CAB39L: variants seen among roughly 807,000 people sequenced by gnomAD.
The protein encoded by CAB39L is calcium binding protein 39 like, also known as calcium-binding protein 39-like.
CAB39L carries 23 observed loss-of-function variants against 39.1 expected under a neutral mutation model. The observed-to-expected ratio is 0.59, with a 90% CI of 0.42 to 0.83. The LOEUF is 0.83. Among genes scored for constraint, CAB39L ranks in the 40% least tolerant of loss-of-function variants. The probability of loss-of-function intolerance (pLI) is 0.00; values close to 1 mark genes in which losing one functional copy is unlikely to be tolerated. For synonymous variants in CAB39L, 126 were observed against 137.2 expected, an observed-to-expected ratio of 0.92 and a Z score of 0.57; for missense variants, 366 against 391.9, an observed-to-expected ratio of 0.93 and a Z score of 0.56.
At position 49,346,100 on chromosome 13, in the gene CAB39L, G is replaced by GATATATATATATATATATATATATATAT. The variant is rs370368670; in HGVS notation, c.565-1863_565-1862insATATATATATATATATATATATATATAT. Among the ~76,000 whole-genome samples, 157 of 30,852 alleles carry GATATATATATATATATATATATATATAT rather than the reference G, an allele frequency of 5.1e-3. 8 individuals carry two copies. Among genetic ancestry groups the GATATATATATATATATATATATATATAT allele is most frequent in the Middle Eastern group, 0.018 (1 of 56 alleles). The allele number at this position is 30,852 out of a possible 152,430, so 20.2% of individuals were successfully genotyped here. A position where few individuals can be genotyped will look rare whatever the true frequency, so the allele number is the denominator to read the frequency against. On this transcript the variant is annotated intron_variant, in intron 7 of 10. Transcript: ENST00000409308. Reference sequence around the variant, plus strand: ...GATATATATATATATATATATGCTAGATATATATATATATATATATATATC... The same window carrying GATATATATATATATATATATATATATAT: ...GATATATATATATATATATATGCTAGATATATATATATATATATATATATATATATATATATATATATATATATATATC...
intron 1 of CAB39L, among the ~76,000 whole-genome samples, chr13:49,435,986 G>A (rs552670131): frequency 6.6e-6 from 1 of 152,106 alleles, no homozygotes; most frequent in Admixed American, 6.5e-5. Context: ...GACTTTGCTC[G>A]TGGCATTTTT....
chr13:49,352,365 G>A (rs1055189954), intron 6 of CAB39L, among the ~76,000 whole-genome samples: 1 of 152,076 alleles, frequency 6.6e-6, no homozygotes, highest in Non-Finnish European at 1.5e-5. Context: ...AAATAATACA[G>A]TTGACAATTG....
intron 3 of CAB39L, among the ~76,000 whole-genome samples, chr13:49,427,094 A>C (rs1291976705): frequency 6.6e-6 from 1 of 152,156 alleles, no homozygotes; most frequent in Non-Finnish European, 1.5e-5. Flanking sequence ...CTTCAAGTCT[A>C]GTTGGAAATC....
intron 3 of CAB39L, among the ~76,000 whole-genome samples, chr13:49,407,744 G>C (rs545347373): frequency 5.3e-5 from 8 of 150,864 alleles, no homozygotes; most frequent in Non-Finnish European, 1.2e-4. Flanking sequence ...AGTGTATTAA[G>C]GCCAAGGCCC....
In CAB39L at chr13:49,418,084, C is replaced by T. The variant is rs1330684952; in HGVS notation, c.-32+15234G>A. Among the ~76,000 whole-genome samples the T allele has an allele frequency of 2.6e-5, 4 of 152,052 alleles. No individual in the cohort carries two copies. In the East Asian group the frequency reaches 5.8e-4, roughly 22 times the overall value. On this transcript the variant is annotated intron_variant, in intron 3 of 10. Coordinates refer to ENST00000409308, the MANE Select transcript of CAB39L (RefSeq NM_001079670.3). ...AGAGAAATGAAAACATACACCCATA[C>T]AAAAACTTATACATGAATGTTCAAA... is the stretch of plus-strand genomic sequence containing the variant.
intron 10 of CAB39L, among the ~76,000 whole-genome samples, chr13:49,317,373 T>A (rs1041360937): frequency 7.9e-5 from 12 of 151,760 alleles, no homozygotes; most frequent in Admixed American, 2.0e-4. Context: ...CTACAAAAAA[T>A]ATAAAAATTA....
intron 3 of CAB39L, among the ~76,000 whole-genome samples, chr13:49,427,621 CA>C (rs1957263399): frequency 6.6e-6 from 1 of 152,066 alleles, no homozygotes. Context: ...CCCAGGAGGT[CA>C]AGTCTGCAGT....
intron 3 of CAB39L, among the ~76,000 whole-genome samples, chr13:49,399,680 C>G (rs1956722525): frequency 6.6e-6 from 1 of 151,940 alleles, no homozygotes; most frequent in Non-Finnish European, 1.5e-5. Context: ...TTCTTTATTT[C>G]TATATTTACA....
chr13:49,387,594 A>G (rs1167408126), intron 3 of CAB39L, among the ~76,000 whole-genome samples: 2 of 152,218 alleles, frequency 1.3e-5, no homozygotes, highest in Non-Finnish European at 2.9e-5. Context: ...CAGTAAGCAG[A>G]ATAAACAACA....
At chr13:49,394,459 T>C (rs554711835) in intron 3 of CAB39L, among the ~76,000 whole-genome samples, 2 of 152,172 alleles carry the variant, frequency 1.3e-5, no homozygotes, top group Non-Finnish European at 2.9e-5. Context: ...AGACAATAAT[T>C]TGACAAATAT....
intron 3 of CAB39L, among the ~76,000 whole-genome samples, chr13:49,409,506 G>A (rs544116528): frequency 4.7e-4 from 72 of 152,008 alleles, no homozygotes; most frequent in African/African-American, 1.7e-3. Context: ...CAGACAGGAG[G>A]AAGGTAGAAG....
intron 6 of CAB39L, among the ~76,000 whole-genome samples, chr13:49,357,919 C>T (rs1457506554): frequency 1.3e-5 from 2 of 152,210 alleles, no homozygotes; most frequent in Non-Finnish European, 2.9e-5. Context: ...TCACACAGAA[C>T]TCTAGTCACA....
At chr13:49,420,418 T>C (rs1269065573) in intron 3 of CAB39L, 1 of 152,254 alleles carries the variant, frequency 6.6e-6, no homozygotes, top group East Asian at 1.9e-4. Context: ...ATCAATGTAT[T>C]AGAGACAGCT....
intron 5 of CAB39L, among the ~76,000 whole-genome samples, chr13:49,361,997 A>G (rs1593988578): frequency 6.6e-6 from 1 of 151,980 alleles, no homozygotes; most frequent in South Asian, 2.1e-4. Flanking sequence ...TTTAAATTTC[A>G]TATTCTTTTT....
At chr13:49,381,328 T>G (rs7320297) in intron 4 of CAB39L, among the ~76,000 whole-genome samples, 29,852 of 152,078 alleles carry the variant, frequency 0.2, 3,114 homozygotes, top group African/African-American at 0.24. Flanking sequence ...GTGAGATATA[T>G]CCACAGAAGA....
chr13:49,387,163 T>A (rs74072556), intron 3 of CAB39L, among the ~76,000 whole-genome samples: 1,752 of 152,322 alleles, frequency 0.012, 41 homozygotes, highest in African/African-American at 0.041. Flanking sequence ...AGATTGAGCA[T>A]CAGGGCTCTA....
At position 49,339,652 on chromosome 13, in the gene CAB39L, C is replaced by T. The variant is rs116662040; in HGVS notation, c.690+25G>A. The T allele has an allele frequency of 2.1e-3, 3,188 of 1,545,284 alleles. 49 individuals are homozygous for T. In the African/African-American group the frequency reaches 0.036, roughly 18 times the overall value. On this transcript the variant is annotated intron_variant, in intron 9 of 10. Coordinates refer to ENST00000409308, the MANE Select transcript of CAB39L (RefSeq NM_001079670.3). The stretch of plus-strand genomic sequence containing the variant: ...AATGAGATATAAACTTACGGGGACA[C>T]TGACTTAAAGAAATTTGATATTACC...
intron 3 of CAB39L, among the ~76,000 whole-genome samples, chr13:49,432,180 G>C (rs1258038491): frequency 1.3e-5 from 2 of 151,806 alleles, no homozygotes; most frequent in Non-Finnish European, 2.9e-5. Flanking sequence ...ATACATACAA[G>C]CTCTTGATCT....
At chr13:49,414,731 T>TA (rs1217697307) in intron 3 of CAB39L, among the ~76,000 whole-genome samples, 5 of 152,216 alleles carry the variant, frequency 3.3e-5, no homozygotes, top group Non-Finnish European at 5.9e-5. Flanking sequence ...TAGAAGGAAA[T>TA]ACAACAAAAT....
Sources: gnomAD v4.1 joint callset for allele counts (sites outside exome capture counted in the v4.1 genomes callset) on GRCh38, gnomAD v4.1.1 for gene constraint, MANE v1.5 for transcripts, NCBI Gene and HGNC (gene_info 2026-07-23, HGNC 2026-07-21) for gene names.